Variants in TUBE1 observed in about 807,000 individuals in gnomAD.
The protein encoded by TUBE1 is tubulin epsilon 1, also known as tubulin epsilon chain.
A neutral mutation model predicts 53.5 loss-of-function variants in TUBE1; 34 were observed. That is an observed-to-expected ratio of 0.64 (90% CI 0.48 to 0.85). The LOEUF (loss-of-function observed/expected upper bound fraction) is 0.85, where lower values mean the gene tolerates loss of function less well. Ranked by LOEUF, TUBE1 falls within the 40% of genes least tolerant of loss-of-function variation. TUBE1 has a pLI of 0.00. For missense variants in TUBE1, 532 were observed against 570.5 expected (o/e 0.93, Z 0.69); for synonymous variants, 177 against 198.4 (o/e 0.89, Z 0.91).
chr6:112,076,282 T>C (rs1776966555), intron 7 of TUBE1, 40 bp downstream of exon 7: 2 of 1,490,634 alleles, frequency 1.3e-6, no homozygotes, highest in East Asian at 2.3e-5. Context: ...GGACTGAATA[T>C]ATATAACATT....
rs1308976241 is a variant in TUBE1 at position 112,083,410 on chromosome 6, C to CG, written c.210+778dup. Among the ~76,000 whole-genome samples, 7 of 151,716 alleles carry CG rather than the reference C, an allele frequency of 4.6e-5. No homozygotes were observed. In the East Asian group the frequency reaches 1.4e-3, roughly 29 times the overall value. On this transcript the variant is annotated intron_variant, in intron 4 of 11. Transcript: ENST00000368662. The stretch of plus-strand genomic sequence containing the variant: ...TCGGCTCACTGCAGGCTCTGCCCCC[C>CG]GGGGTTCACGCCATTTTCCTGCCTC...
chr6:112,083,387 G>A (rs951902607), intron 4 of TUBE1, among the ~76,000 whole-genome samples: 4 of 148,678 alleles, frequency 2.7e-5, no homozygotes, highest in Admixed American at 1.4e-4. Flanking sequence ...GCGCGATCTC[G>A]GCTCACTGCA....
intron 8 of TUBE1, 125 bp downstream of exon 8, chr6:112,075,812 T>C (rs1213711665): frequency 2.6e-5 from 23 of 884,542 alleles, no homozygotes; most frequent in South Asian, 5.9e-5. Flanking sequence ...CAAGAAAAGA[T>C]AGAAGACAAA....
rs1249419683 is a variant in TUBE1, at chr6:112,071,422, A to G, written c.1418T>C (p.Ile473Thr). ...TTGAGGGTTTCTTTTTCACATAGCT[A>G]TGCTTAGTCTGGGTAAATCCTGCAC... is the stretch of plus-strand genomic sequence containing the variant. ...MPVQDLPRLS[I>T]AM Residue 473 changes from isoleucine (I) to threonine (T), a missense_variant, in exon 12 of 12, where the codon ATA (isoleucine) becomes ACA (threonine). Transcript: ENST00000368662. 5 of 1,578,778 alleles carry G rather than the reference A, an allele frequency of 3.2e-6. No homozygotes were observed. In the African/African-American group the frequency reaches 4.0e-5, roughly 13 times the overall value.
chr6:112,078,632 A>G (rs1269690019), intron 6 of TUBE1: 1 of 152,030 alleles, frequency 6.6e-6, no homozygotes, highest in Non-Finnish European at 1.5e-5. Context: ...TATTTTTGCT[A>G]TTTTAAGTGA....
intron 5 of TUBE1, 23 bp from the exon 6 acceptor site, chr6:112,079,777 T>C: frequency 1.3e-6 from 2 of 1,587,144 alleles, no homozygotes; most frequent in East Asian, 4.5e-5. Flanking sequence ...ATATGGATTT[T>C]AAAAATTCCT....
At chr6:112,086,490 A>C in intron 3 of TUBE1, 66 bp downstream of exon 3, 1 of 1,247,296 alleles carries the variant, frequency 8.0e-7, no homozygotes, top group Non-Finnish European at 1.1e-6. Context: ...TGTCCTTTGA[A>C]GAATTCTCTC....
At chr6:112,075,850 T>C in intron 8 of TUBE1, 87 bp downstream of exon 8, 1 of 1,246,506 alleles carries the variant, frequency 8.0e-7, no homozygotes, top group South Asian at 1.6e-5. Flanking sequence ...TTCTACAATT[T>C]AGAATAACTA....
chr6:112,078,170 G>A (rs1314000319), intron 6 of TUBE1: 1 of 152,012 alleles, frequency 6.6e-6, no homozygotes, highest in Non-Finnish European at 1.5e-5. Flanking sequence ...AATATTGTAG[G>A]AAGGTATATA....
In TUBE1 at chr6:112,070,773, A is replaced by G. The variant is rs1207453449; in HGVS notation, c.*639T>C. ...GTCATGCAGAACAATAACAAGTAGC[A>G]CTGTTGAAAAATATAGACATTTATT... On this transcript the variant is annotated 3_prime_UTR_variant, in exon 12 of 12. Coordinates refer to ENST00000368662, the MANE Select transcript of TUBE1 (RefSeq NM_016262.5). The G allele has an allele frequency of 1.3e-5, 2 of 152,194 alleles. No individual in the cohort carries two copies. Among genetic ancestry groups the G allele is most frequent in the African/African-American group, 4.8e-5 (2 of 41,470 alleles). The allele number at this position is 152,194 out of a possible 1,614,324, so 9.4% of individuals were successfully genotyped here.
Position 112,072,028 on chromosome 6 carries a change from C to A in TUBE1, c.1143G>T (p.Lys381Asn). 1.2e-6 allele frequency: 2 copies of A among 1,608,074 alleles called. No homozygotes were observed. Among genetic ancestry groups the A allele is most frequent in the Non-Finnish European group, 8.5e-7 (1 of 1,177,926 alleles). The change falls in exon 11 of 12, where the codon AAG (lysine) becomes AAT (asparagine). Residue 381 changes from lysine (K) to asparagine (N), a missense_variant. Transcript: ENST00000368662. ...CAGGAGGTACGGAACACAGGCTGGT[C>A]TTCCAGCCTTCTTGATTCCAGGAGA... ...QFVSWNQEGW[K>N]TSLCSVPPVG...
At position 112,086,607 on chromosome 6, in the gene TUBE1, T is replaced by G. The variant is rs1777161466; in HGVS notation, c.101A>C (p.Lys34Thr). Residue 34 changes from lysine (K) to threonine (T), a missense_variant and splice_region_variant, in exon 3 of 12, where the codon AAA becomes ACA. Lys to Thr is a moderately conservative substitution (Grantham distance 78, BLOSUM62 -1). Transcript: ENST00000368662. The part of the protein sequence containing the change: ...ALREHAAVNQ[K>T]GIYDEAISSF... ...GCTTATTGCCTCATCATAAATTCCT[T>G]TCTAAAAAGAAAAACATATGTTAAT... The G allele has an allele frequency of 6.2e-7, 1 of 1,608,360 alleles. No individual in the cohort carries two copies. Among genetic ancestry groups the G allele is most frequent in the African/African-American group, 1.3e-5 (1 of 74,884 alleles).
Position 112,072,892 on chromosome 6 carries a change from A to G in TUBE1, c.960T>C (p.Asp320=). The change falls in exon 10 of 12, where the codon GAT becomes GAC. Residue 320 remains aspartate, a synonymous_variant. Coordinates refer to ENST00000368662, the MANE Select transcript of TUBE1 (RefSeq NM_016262.5). ...TACTAAAGGCATCTGAAAACATCTG[A>G]TCCAATCTGCAACAATGAAATTGTC... ...TDVNIPPRRL[D]QMFSDAFSKD... is the part of the protein sequence containing the mutation. The G allele has an allele frequency of 6.2e-7, 1 of 1,612,852 alleles. No individual in the cohort carries two copies. The highest frequency in any genetic ancestry group is 8.5e-7 in the Non-Finnish European group (1 of 1,179,442).
intron 6 of TUBE1, chr6:112,078,811 G>A (rs1777018648): frequency 6.6e-6 from 1 of 151,936 alleles, no homozygotes; most frequent in Non-Finnish European, 1.5e-5. Context: ...TAAAGACATG[G>A]TTACACAGCA....
intron 4 of TUBE1, among the ~76,000 whole-genome samples, chr6:112,083,191 A>G (rs2065113384): frequency 6.6e-6 from 1 of 151,818 alleles, no homozygotes; most frequent in Admixed American, 6.6e-5. Context: ...TCTGCCCTAA[A>G]TTTTGTTTTC....
At chr6:112,071,849 A>G in intron 11 of TUBE1, 53 bp downstream of exon 11, 1 of 1,489,398 alleles carries the variant, frequency 6.7e-7, no homozygotes, top group Non-Finnish European at 9.0e-7. Flanking sequence ...TTAAGAATAC[A>G]TCTTAAATAG....
intron 2 of TUBE1, chr6:112,087,007 G>A (rs991511655): frequency 7.1e-6 from 4 of 561,422 alleles, no homozygotes; most frequent in East Asian, 5.8e-5. Context: ...CCAATAAAGA[G>A]GAGACCCTGA....
At position 112,087,460 on chromosome 6, in the gene TUBE1, C is replaced by T. The variant is rs781862571; in HGVS notation, c.-26G>A. On this transcript the variant is annotated 5_prime_UTR_variant, in exon 1 of 12. Coordinates refer to ENST00000368662, the MANE Select transcript of TUBE1 (RefSeq NM_016262.5). The stretch of plus-strand genomic sequence containing the variant: ...GGTGGTGCGCCGCCGGCTCCGGGAG[C>T]TTGCTAGCCCGCGGCCGCTTCTGCA... 6.5e-7 allele frequency: 1 copy of T among 1,548,916 alleles called. No homozygotes were observed. Among genetic ancestry groups the T allele is most frequent in the Non-Finnish European group, 8.7e-7 (1 of 1,145,708 alleles).
At position 112,074,788 on chromosome 6, in the gene TUBE1, G is replaced by A. The variant is rs781789177; in HGVS notation, c.875C>T (p.Pro292Leu). ...CACGAGATAATGAAGTTGAGGAAAAGGAACTAAATTCATGCTGATTTCATT... is the reference window on the plus strand; with the variant it reads ...CACGAGATAATGAAGTTGAGGAAAAAGAACTAAATTCATGCTGATTTCATT... ...DLNEISMNLV[P>L]FPQLHYLVSS... The change falls in exon 9 of 12, where the codon CCT becomes CTT. Residue 292 changes from proline (P) to leucine (L), a missense_variant. By Grantham distance (98) the Pro-to-Leu change is moderately conservative. Coordinates refer to ENST00000368662, the MANE Select transcript of TUBE1 (RefSeq NM_016262.5). The A allele has an allele frequency of 2.5e-6, 4 of 1,607,500 alleles. No individual in the cohort carries two copies. Among genetic ancestry groups the A allele is most frequent in the Non-Finnish European group, 3.4e-6 (4 of 1,177,138 alleles).
Sources: gnomAD v4.1 joint callset for allele counts (sites outside exome capture counted in the v4.1 genomes callset) on GRCh38, gnomAD v4.1.1 for gene constraint, MANE v1.5 for transcripts, NCBI Gene and HGNC (gene_info 2026-07-23, HGNC 2026-07-21) for gene names.